MYO18B: variants seen among roughly 807,000 people sequenced by gnomAD.
MYO18B encodes unconventional myosin-XVIIIb.
A neutral mutation model predicts 273.0 loss-of-function variants in MYO18B; 204 were observed. The observed-to-expected ratio is 0.75, with a 90% CI of 0.67 to 0.84. The LOEUF is 0.84. MYO18B is among the 40% of genes least tolerant of loss of function. The pLI, the probability that MYO18B is intolerant of heterozygous loss-of-function variation, is 0.00. For synonymous variants in MYO18B, 1,330 were observed against 1,305.7 expected (o/e 1.02, Z -0.40); for missense variants, 3,212 against 3,287.6 (o/e 0.98, Z 0.56).
At chr22:25,962,959 T>C (rs1242713260) in intron 39 of MYO18B, among the ~76,000 whole-genome samples, 2 of 151,958 alleles carry the variant, frequency 1.3e-5, no homozygotes, top group Admixed American at 6.6e-5. Flanking sequence ...CCCTTTCCTT[T>C]CTTCTCTTCC....
intron 35 of MYO18B, 73 bp downstream of exon 35, chr22:25,946,323 T>C: frequency 1.9e-6 from 2 of 1,043,664 alleles, no homozygotes; most frequent in East Asian, 5.6e-5. Context: ...GGGCCTAGTG[T>C]GCGCTCAGCA....
At chr22:25,932,378 CTCTTTTCTTT>C (rs995392110) in intron 34 of MYO18B, among the ~76,000 whole-genome samples, 2 of 149,508 alleles carry the variant, frequency 1.3e-5, no homozygotes, top group Admixed American at 6.7e-5. Context: ...TTCCTTCTTT[CTCTTTTCTTT>C]TCTTTTCTTT....
chr22:25,834,795 C>T (rs927232717), intron 16 of MYO18B, among the ~76,000 whole-genome samples: 2 of 152,094 alleles, frequency 1.3e-5, no homozygotes. Context: ...ACCTTCTTCT[C>T]TGAAATGTTC....
At chr22:25,795,965 C>G (rs2087889791) in intron 11 of MYO18B, among the ~76,000 whole-genome samples, 1 of 152,138 alleles carries the variant, frequency 6.6e-6, no homozygotes, top group Non-Finnish European at 1.5e-5. Context: ...GTTACCCGCT[C>G]TCTGGGCACT....
chr22:25,939,477 T>G (rs1020616706), intron 34 of MYO18B, among the ~76,000 whole-genome samples: 2 of 152,202 alleles, frequency 1.3e-5, no homozygotes, highest in Admixed American at 6.5e-5. Flanking sequence ...AGAGTGAACT[T>G]TATTTTCATA....
intron 12 of MYO18B, among the ~76,000 whole-genome samples, chr22:25,815,505 G>C (rs571201232): frequency 4.0e-4 from 61 of 152,214 alleles, no homozygotes; most frequent in African/African-American, 1.4e-3. Flanking sequence ...TGGGAGAGGA[G>C]CTACCCCATT....
At chr22:26,046,067 A>C in the MYO18B span, among the ~76,000 whole-genome samples, 1 of 152,138 alleles carries the variant, frequency 6.6e-6, no homozygotes, top group Admixed American at 6.5e-5. Flanking sequence ...TAGGCAACCC[A>C]TTTCCATTTA....
chr22:25,755,302 G>C (rs1050263104), intron 1 of MYO18B, among the ~76,000 whole-genome samples: 1 of 152,102 alleles, frequency 6.6e-6, no homozygotes, highest in Non-Finnish European at 1.5e-5. Context: ...CGCCTCCCAG[G>C]TTCAAGCGAT....
intron 39 of MYO18B, among the ~76,000 whole-genome samples, chr22:25,961,592 A>G (rs1210341339): frequency 2.0e-5 from 3 of 151,986 alleles, no homozygotes; most frequent in East Asian, 1.9e-4. Flanking sequence ...CGATGAAGCA[A>G]CTCCTCTGTG....
chr22:25,744,894 A>G (rs1399986927), intron 1 of MYO18B, among the ~76,000 whole-genome samples: 4 of 152,090 alleles, frequency 2.6e-5, no homozygotes, highest in Non-Finnish European at 5.9e-5. Context: ...AGAGAGGGAA[A>G]GCCACTTGTT....
At chr22:26,057,163 G>C in the MYO18B span, among the ~76,000 whole-genome samples, 1 of 151,884 alleles carries the variant, frequency 6.6e-6, no homozygotes, top group African/African-American at 2.4e-5. Flanking sequence ...TTTCCCTAGG[G>C]CCCCTTGTTC....
At chr22:25,774,314 G>T (rs770128133) in intron 7 of MYO18B, among the ~76,000 whole-genome samples, 2 of 152,180 alleles carry the variant, frequency 1.3e-5, no homozygotes, top group African/African-American at 2.4e-5. Context: ...AGCTTGGCAC[G>T]TGCCCTCTCC....
chr22:25,813,711 G>A (rs3859874), intron 12 of MYO18B, among the ~76,000 whole-genome samples: 82,930 of 152,052 alleles, frequency 0.55, 26,541 homozygotes, highest in Non-Finnish European at 0.71. Context: ...TAAAGCATCA[G>A]CCTAAGGGCC....
At chr22:25,983,829 T>C (rs1366373595) in intron 39 of MYO18B, among the ~76,000 whole-genome samples, 2 of 152,234 alleles carry the variant, frequency 1.3e-5, no homozygotes, top group African/African-American at 2.4e-5. Flanking sequence ...GGCAGCGCTA[T>C]TGAGGTCTCA....
rs1963325340 is a variant in MYO18B, at chr22:25,806,436, GGCAATGAGACT to G, written c.2521+8343_2521+8353del. Among the ~76,000 whole-genome samples the G allele has an allele frequency of 6.6e-5, 10 of 152,274 alleles. No individual in the cohort carries two copies. The South Asian group carries it at 1.9e-3, about 28-fold the overall frequency. On this transcript the variant is annotated intron_variant, in intron 12 of 43. Transcript: ENST00000335473. ...GATCTTAGAAGCCTGCTCTTGTGGT[GGCAATGAGACT>G]GCATCCCTCCCTCTGCCTGCATAGT... is the stretch of plus-strand genomic sequence containing the variant.
At chr22:25,779,027 C>T (rs149588407) in intron 8 of MYO18B, among the ~76,000 whole-genome samples, 101 of 152,178 alleles carry the variant, frequency 6.6e-4, no homozygotes, top group African/African-American at 2.3e-3. Flanking sequence ...CCTTTTAAGA[C>T]ATTTATTCCC....
In MYO18B at chr22:25,823,587, G is replaced by A. The variant is rs749189723; in HGVS notation, c.2604G>A (p.Thr868=). The A allele has an allele frequency of 1.5e-5, 25 of 1,613,812 alleles. No homozygotes were observed. The highest frequency in any genetic ancestry group is 1.3e-5 in the African/African-American group (1 of 74,894). Residue 868 remains threonine (T), a synonymous_variant, in exon 13 of 44, where the codon ACG becomes ACA. Transcript: ENST00000335473. ...ALGCEYEELN[T]ATFKHHLRQI... is the part of the protein sequence containing the mutation. ...GCTGCGAGTATGAGGAGCTGAACAC[G>A]GCCACCTTCAAGCACCACCTTCGAC...
chr22:25,759,745 T>C (rs913306699), intron 1 of MYO18B, among the ~76,000 whole-genome samples: 6 of 152,234 alleles, frequency 3.9e-5, no homozygotes, highest in East Asian at 1.9e-4. Context: ...TATGGAGATA[T>C]GGCAAGTAAA....
At chr22:25,834,931 T>C (rs2089843249) in intron 16 of MYO18B, among the ~76,000 whole-genome samples, 1 of 152,244 alleles carries the variant, frequency 6.6e-6, no homozygotes, top group African/African-American at 2.4e-5. Flanking sequence ...TGCCTGTATG[T>C]ATCTAGAAAT....
Sources: gnomAD v4.1 joint callset for allele counts (sites outside exome capture counted in the v4.1 genomes callset) on GRCh38, gnomAD v4.1.1 for gene constraint, MANE v1.5 for transcripts, NCBI Gene and HGNC (gene_info 2026-07-23, HGNC 2026-07-21) for gene names.